The following CLIP1 variants were observed in gnomAD, a reference collection of about 807,000 sequenced individuals.
CLIP1 encodes CAP-Gly domain-containing linker protein 1.
CLIP1 carries 66 observed loss-of-function variants against 161.6 expected under a neutral mutation model. The observed-to-expected ratio is 0.41, with a 90% CI of 0.33 to 0.50. The LOEUF is 0.50. Among genes scored for constraint, CLIP1 ranks in the 20% least tolerant of loss-of-function variants. The pLI is 0.27. For synonymous variants in CLIP1, 598 were observed against 626.2 expected, an observed-to-expected ratio of 0.96 and a Z score of 0.67; for missense variants, 1,376 against 1,702.0, an observed-to-expected ratio of 0.81 and a Z score of 3.37.
At chr12:122,337,417 G>A (rs1172031686) in intron 11 of CLIP1, among the ~76,000 whole-genome samples, 1 of 148,892 alleles carries the variant, frequency 6.7e-6, no homozygotes, top group Non-Finnish European at 1.5e-5. Flanking sequence ...CTGCACTCCA[G>A]TCTGGGTGAC....
intron 10 of CLIP1, among the ~76,000 whole-genome samples, chr12:122,347,099 A>G (rs911517901): frequency 3.3e-5 from 5 of 152,230 alleles, no homozygotes; most frequent in Non-Finnish European, 7.3e-5. Context: ...AATAACTTCA[A>G]ATACAGTTAT....
At chr12:122,370,639 T>C (rs893155452) in intron 3 of CLIP1, among the ~76,000 whole-genome samples, 1 of 152,158 alleles carries the variant, frequency 6.6e-6, no homozygotes, top group African/African-American at 2.4e-5. Context: ...CTCTTGTAAG[T>C]CTAACTCCCT....
At chr12:122,319,717 T>C (rs1375077157) in intron 17 of CLIP1, among the ~76,000 whole-genome samples, 1 of 152,210 alleles carries the variant, frequency 6.6e-6, no homozygotes, top group Admixed American at 6.5e-5. Flanking sequence ...TATAGCTGAA[T>C]TTCTTGGAAT....
In CLIP1 at chr12:122,307,037, T is replaced by A. The variant is rs1477953022; in HGVS notation, c.3594+2725A>T. On this transcript the variant is annotated intron_variant, in intron 20 of 25. Coordinates refer to ENST00000620786, the MANE Select transcript of CLIP1 (RefSeq NM_001247997.2). ...TTTTTTTTTTTTTTTTGAGACAGAG[T>A]CTCACTCTGTCGCCCAGGCTGGAGT... Among the ~76,000 whole-genome samples, 5 of 128,022 alleles carry A rather than the reference T, an allele frequency of 3.9e-5. No individual in the cohort carries two copies. In the South Asian group the frequency reaches 1.0e-3, roughly 26 times the overall value. The allele number at this position is 128,022 out of a possible 152,430, so 84.0% of individuals were successfully genotyped here. A position where few individuals can be genotyped will look rare whatever the true frequency, so the allele number is the denominator to read the frequency against.
At chr12:122,290,024 C>T (rs1041263271) in intron 20 of CLIP1, among the ~76,000 whole-genome samples, 1 of 152,038 alleles carries the variant, frequency 6.6e-6, no homozygotes, top group Non-Finnish European at 1.5e-5. Flanking sequence ...CCAGGCTGCA[C>T]ACTGTTAATT....
chr12:122,395,509 T>C (rs1456866296), intron 1 of CLIP1: 1 of 152,170 alleles, frequency 6.6e-6, no homozygotes, highest in African/African-American at 2.4e-5. Context: ...GGAATTCTCA[T>C]GTTAGTCGCC....
intron 7 of CLIP1, among the ~76,000 whole-genome samples, chr12:122,353,426 C>A (rs966059305): frequency 6.6e-6 from 1 of 152,136 alleles, no homozygotes; most frequent in Non-Finnish European, 1.5e-5. Flanking sequence ...CAGTTTGAGA[C>A]CAGCCTGGTC....
chr12:122,371,583 G>A (rs201368161), intron 3 of CLIP1, among the ~76,000 whole-genome samples: 3 of 152,264 alleles, frequency 2.0e-5, no homozygotes, highest in South Asian at 2.1e-4. Context: ...GAATAGAGGT[G>A]AGGAGAGACA....
At chr12:122,397,976 A>G (rs1462819592) in intron 1 of CLIP1, among the ~76,000 whole-genome samples, 3 of 147,460 alleles carry the variant, frequency 2.0e-5, no homozygotes, top group African/African-American at 7.4e-5. Flanking sequence ...AAAAAAAAAG[A>G]AAATTAACTT....
chr12:122,330,441 C>T (rs1320498442), intron 15 of CLIP1, among the ~76,000 whole-genome samples: 1 of 151,998 alleles, frequency 6.6e-6, no homozygotes, highest in Admixed American at 6.6e-5. Flanking sequence ...AGTCTAATGC[C>T]TACAGACTTA....
chr12:122,356,091 T>C (rs913459392), intron 5 of CLIP1: 3 of 152,372 alleles, frequency 2.0e-5, no homozygotes, highest in Non-Finnish European at 4.4e-5. Context: ...AATCAACCTT[T>C]TGTTCTTGAA....
In CLIP1 at chr12:122,309,823, T is replaced by A. The variant is rs1175702291; in HGVS notation, c.3533A>T (p.Glu1178Val). 1 of 1,613,856 alleles carries A rather than the reference T, an allele frequency of 6.2e-7. No individual in the cohort carries two copies. Among genetic ancestry groups the A allele is most frequent in the East Asian group, 2.2e-5 (1 of 44,890 alleles). ...CAGCTCCTCAGCAAGTTTAACGTTC[T>A]CTTCTTGCAACGCTGAAAGCTGCTG... is the stretch of plus-strand genomic sequence containing the variant. ...KSQQLSALQEENVKLAEELGR... is the reference protein window; with the variant it reads ...KSQQLSALQEVNVKLAEELGR... The change falls in exon 20 of 26, where the codon GAG becomes GTG. Residue 1178 changes from glutamate to valine, a missense_variant. Coordinates refer to ENST00000620786, the MANE Select transcript of CLIP1 (RefSeq NM_001247997.2).
intron 24 of CLIP1, chr12:122,276,588 G>T: frequency 3.4e-6 from 3 of 870,422 alleles, no homozygotes; most frequent in South Asian, 1.7e-5. Context: ...GTACAGTGTT[G>T]AATCGTTTTG....
intron 19 of CLIP1, among the ~76,000 whole-genome samples, chr12:122,315,735 G>C (rs1951238239): frequency 6.6e-6 from 1 of 151,296 alleles, no homozygotes; most frequent in African/African-American, 2.4e-5. Context: ...CCGCCTCCCG[G>C]GTTCACGCCA....
rs556212036 is a variant in CLIP1, at chr12:122,293,091, A to T, written c.3595-4550T>A. On this transcript the variant is annotated intron_variant, in intron 20 of 25. Transcript: ENST00000620786. ...TTCGCAAAACACAACCCAATAAAGA[A>T]CTTGTATCTAGAATATAGTAAGAAC... Among the ~76,000 whole-genome samples, 45 of 152,134 alleles carry T rather than the reference A, an allele frequency of 3.0e-4. 1 individual carries two copies. The highest frequency in any genetic ancestry group is 1.1e-3 in the African/African-American group (44 of 41,484).
intron 20 of CLIP1, among the ~76,000 whole-genome samples, chr12:122,290,059 T>C (rs1232362773): frequency 6.6e-6 from 1 of 152,158 alleles, no homozygotes; most frequent in Non-Finnish European, 1.5e-5. Context: ...AAAAAGCTCT[T>C]ATATTTTTTT....
At chr12:122,390,199 T>TAAG (rs1442364308) in intron 1 of CLIP1, among the ~76,000 whole-genome samples, 1 of 116,902 alleles carries the variant, frequency 8.6e-6, no homozygotes, top group East Asian at 2.7e-4. Context: ...ATATATATAA[T>TAAG]ATATATATAC....
chr12:122,310,761 C>A (rs1951033749), intron 19 of CLIP1, among the ~76,000 whole-genome samples: 1 of 152,178 alleles, frequency 6.6e-6, no homozygotes, highest in Non-Finnish European at 1.5e-5. Context: ...CTCCATTTAG[C>A]AAGCTGTCAT....
intron 1 of CLIP1, among the ~76,000 whole-genome samples, chr12:122,387,064 AAT>A (rs988780676): frequency 6.6e-6 from 1 of 151,954 alleles, no homozygotes; most frequent in African/African-American, 2.4e-5. Context: ...CTAATTTTTA[AAT>A]ATGTTTGTAG....
Sources: allele counts gnomAD v4.1 joint callset (sites outside exome capture counted in the v4.1 genomes callset), GRCh38; gene constraint gnomAD v4.1.1; transcripts MANE v1.5; gene names NCBI Gene and HGNC (gene_info 2026-07-23, HGNC 2026-07-21).